Variants in SNRNP40 observed in about 807,000 individuals in gnomAD.
SNRNP40 encodes small nuclear ribonucleoprotein U5 subunit 40.
SNRNP40 carries 21 observed loss-of-function variants against 45.8 expected under a neutral mutation model. The observed-to-expected ratio is 0.46, with a 90% CI of 0.32 to 0.66. The LOEUF (loss-of-function observed/expected upper bound fraction) is 0.66, where lower values mean the gene tolerates loss of function less well. Among genes scored for constraint, SNRNP40 ranks in the 30% least tolerant of loss-of-function variants. The pLI, the probability that SNRNP40 is intolerant of heterozygous loss-of-function variation, is 0.03. For missense variants in SNRNP40, 344 were observed against 439.1 expected (o/e 0.78, Z 1.94); for synonymous variants, 142 against 163.8 (o/e 0.87, Z 1.01).
chr1:31,281,137 A>C (rs886465326), intron 5 of SNRNP40, among the ~76,000 whole-genome samples: 1 of 152,234 alleles, frequency 6.6e-6, no homozygotes, highest in African/African-American at 2.4e-5. Context: ...GTCCCCCTAC[A>C]GAGACTTCAC....
chr1:31,290,810 G>A (rs902593547), intron 3 of SNRNP40, among the ~76,000 whole-genome samples: 2 of 151,850 alleles, frequency 1.3e-5, no homozygotes, highest in Non-Finnish European at 2.9e-5. Context: ...CCCCGGAGAC[G>A]GAGCTTGCAG....
intron 9 of SNRNP40, 149 bp from the exon 10 acceptor site, chr1:31,260,270 G>A: frequency 3.6e-6 from 2 of 555,432 alleles, no homozygotes; most frequent in Non-Finnish European, 6.3e-6. Context: ...ACAGGAAATT[G>A]TAGCCTGGCT....
At chr1:31,289,840 A>G (rs1646090145) in intron 3 of SNRNP40, among the ~76,000 whole-genome samples, 2 of 152,200 alleles carry the variant, frequency 1.3e-5, no homozygotes, top group Admixed American at 1.3e-4. Flanking sequence ...TCTCTTTACC[A>G]AAGTTTTTCT....
intron 5 of SNRNP40, among the ~76,000 whole-genome samples, chr1:31,279,189 G>A (rs1297803715): frequency 6.6e-6 from 1 of 152,198 alleles, no homozygotes; most frequent in Non-Finnish European, 1.5e-5. Flanking sequence ...GATTTGAACT[G>A]AGGTTCCATC....
intron 8 of SNRNP40, among the ~76,000 whole-genome samples, chr1:31,264,938 C>G (rs1401015600): frequency 2.0e-5 from 3 of 152,144 alleles, no homozygotes; most frequent in African/African-American, 7.2e-5. Context: ...CAATTAGATG[C>G]TAAATTTAGA....
At chr1:31,263,556 A>C (rs1645876030) in intron 8 of SNRNP40, 1 of 451,376 alleles carries the variant, frequency 2.2e-6, no homozygotes, top group Admixed American at 2.5e-5. Flanking sequence ...TGATGACTTT[A>C]TAGCCTTATC....
intron 3 of SNRNP40, among the ~76,000 whole-genome samples, chr1:31,291,288 C>CAAAAAAAAAAAAA (rs55857301): frequency 3.9e-5 from 5 of 128,662 alleles, no homozygotes; most frequent in East Asian, 4.4e-4. Context: ...AATTCCGTCT[C>CAAAAAAAAAAAAA]AAAAAAAAAA....
chr1:31,262,893 T>C (rs1191881106), intron 8 of SNRNP40, among the ~76,000 whole-genome samples: 5 of 151,848 alleles, frequency 3.3e-5, no homozygotes, highest in Non-Finnish European at 5.9e-5. Context: ...TCCCAGCTAC[T>C]TGGGAGGCCA....
chr1:31,290,301 C>T (rs1432061790), intron 3 of SNRNP40, among the ~76,000 whole-genome samples: 1 of 152,168 alleles, frequency 6.6e-6, no homozygotes, highest in African/African-American at 2.4e-5. Context: ...TCCCAAATAG[C>T]TGGGATTATA....
intron 5 of SNRNP40, among the ~76,000 whole-genome samples, chr1:31,277,127 G>T (rs868376873): frequency 6.6e-6 from 1 of 152,104 alleles, no homozygotes; most frequent in Non-Finnish European, 1.5e-5. Flanking sequence ...AGCCCAGAAG[G>T]TCATGGCAGC....
rs1367979859 is a variant in SNRNP40, at chr1:31,260,089, T to C, written c.1057A>G (p.Met353Val). ...ISASSDKRLY[M>V]GEIQ Reference sequence around the variant, plus strand: ...CCATATCTTCACTGAATCTCTCCCATATACAGTCTCTTGTCACTCGATGCT... The same window carrying C: ...CCATATCTTCACTGAATCTCTCCCACATACAGTCTCTTGTCACTCGATGCT... The change falls in exon 10 of 10, where the codon ATG (methionine) becomes GTG (valine). Residue 353 changes from methionine to valine, a missense_variant. Physicochemically the swap from Met to Val is conservative, Grantham distance 21. Coordinates refer to ENST00000263694, the MANE Select transcript of SNRNP40 (RefSeq NM_004814.3). The C allele has an allele frequency of 3.7e-6, 6 of 1,609,108 alleles. No homozygotes were observed. Among genetic ancestry groups the C allele is most frequent in the Non-Finnish European group, 4.2e-6 (5 of 1,176,902 alleles).
At chr1:31,290,693 C>T (rs61779440) in intron 3 of SNRNP40, among the ~76,000 whole-genome samples, 16,518 of 151,684 alleles carry the variant, frequency 0.11, 1,205 homozygotes, top group South Asian at 0.27. Context: ...CTGGCTAACA[C>T]GGTGAAACCC....
chr1:31,285,751 A>T (rs1646053244), intron 4 of SNRNP40, among the ~76,000 whole-genome samples: 1 of 152,150 alleles, frequency 6.6e-6, no homozygotes, highest in African/African-American at 2.4e-5. Context: ...GACTCTCTCA[A>T]ACTTTCCTTG....
chr1:31,275,672 G>A (rs1323490008), intron 5 of SNRNP40, among the ~76,000 whole-genome samples: 2 of 152,210 alleles, frequency 1.3e-5, no homozygotes, highest in Admixed American at 1.3e-4. Context: ...TAACAGGCAT[G>A]AGCCACAGTG....
chr1:31,261,496 G>T, intron 9 of SNRNP40, 33 bp downstream of exon 9: 1 of 1,426,432 alleles, frequency 7.0e-7, no homozygotes, highest in Non-Finnish European at 9.9e-7. Flanking sequence ...GAGATTTCCA[G>T]TTTCCCTTTC....
chr1:31,291,708 G>C (rs1215146717), intron 3 of SNRNP40, among the ~76,000 whole-genome samples: 1 of 152,212 alleles, frequency 6.6e-6, no homozygotes, highest in African/African-American at 2.4e-5. Context: ...TGTCTGGGTT[G>C]TTGAAATGAC....
At chr1:31,283,815 C>T (rs35075458) in intron 4 of SNRNP40, among the ~76,000 whole-genome samples, 5 of 152,208 alleles carry the variant, frequency 3.3e-5, no homozygotes, top group Non-Finnish European at 7.3e-5. Context: ...ACAAATTGTG[C>T]TAAGACAACT....
At position 31,260,109 on chromosome 1, in the gene SNRNP40, G is replaced by A; in HGVS notation, c.1037C>T (p.Ser346Leu). 6 of 1,599,086 alleles carry A rather than the reference G, an allele frequency of 3.8e-6. No individual in the cohort carries two copies. The highest frequency in any genetic ancestry group is 1.3e-5 in the African/African-American group (1 of 74,406). ...HPDEPIIISASSDKRLYMGEI... is the reference protein window; with the variant it reads ...HPDEPIIISALSDKRLYMGEI... The stretch of plus-strand genomic sequence containing the variant: ...TCCCATATACAGTCTCTTGTCACTC[G>A]ATGCTGAGATAACTGAGGTAAAAAG... The change falls in exon 10 of 10, where the codon TCG (serine) becomes TTG (leucine). Residue 346 changes from serine to leucine, a missense_variant. By Grantham distance (145) the Ser-to-Leu change is moderately radical. Coordinates refer to ENST00000263694, the MANE Select transcript of SNRNP40 (RefSeq NM_004814.3).
intron 1 of SNRNP40, among the ~76,000 whole-genome samples, chr1:31,293,939 A>G (rs1646123723): frequency 6.6e-6 from 1 of 151,876 alleles, no homozygotes; most frequent in Non-Finnish European, 1.5e-5. Context: ...ACTGGGTGAA[A>G]TAGTTTTGTT....
Sources: allele counts gnomAD v4.1 joint callset (sites outside exome capture counted in the v4.1 genomes callset), GRCh38; gene constraint gnomAD v4.1.1; transcripts MANE v1.5; gene names NCBI Gene and HGNC (gene_info 2026-07-23, HGNC 2026-07-21).